Variants in CDKAL1 observed in about 807,000 individuals in gnomAD.
CDKAL1 encodes the protein threonylcarbamoyladenosine tRNA methylthiotransferase.
A neutral mutation model predicts 68.2 loss-of-function variants in CDKAL1; 32 were observed. The observed-to-expected ratio is 0.47, with a 90% CI of 0.35 to 0.63. CDKAL1 has a LOEUF of 0.63. Among genes scored for constraint, CDKAL1 ranks in the 30% least tolerant of loss-of-function variants. The pLI is 0.00. For synonymous variants in CDKAL1, 234 were observed against 244.3 expected, an observed-to-expected ratio of 0.96 and a Z score of 0.39; for missense variants, 606 against 696.7, an observed-to-expected ratio of 0.87 and a Z score of 1.47.
chr6:21,198,164 T>A, intron 14 of CDKAL1, 60 bp downstream of exon 14: 2 of 1,170,566 alleles, frequency 1.7e-6, no homozygotes, highest in Non-Finnish European at 1.2e-6. Context: ...TCTGAAAGTT[T>A]AAGCAAAGGG....
chr6:21,000,667 T>A (rs1169346236), intron 11 of CDKAL1, among the ~76,000 whole-genome samples: 1 of 152,232 alleles, frequency 6.6e-6, no homozygotes. Flanking sequence ...GGATGAAAAC[T>A]GCTTTAGCTT....
At chr6:20,758,037 C>T (rs1774300694) in intron 6 of CDKAL1, among the ~76,000 whole-genome samples, 1 of 152,062 alleles carries the variant, frequency 6.6e-6, no homozygotes, top group Non-Finnish European at 1.5e-5. Context: ...TCTGTGTTCC[C>T]ATGGCAAAGC....
chr6:20,772,292 T>G (rs2150363825), intron 7 of CDKAL1, among the ~76,000 whole-genome samples: 1 of 152,328 alleles, frequency 6.6e-6, no homozygotes, highest in Admixed American at 6.5e-5. Flanking sequence ...GAGAGTCTGT[T>G]GTAGCAAGAC....
At chr6:21,070,409 TGGCTCAG>T (rs1177903219) in intron 12 of CDKAL1, among the ~76,000 whole-genome samples, 13 of 150,950 alleles carry the variant, frequency 8.6e-5, no homozygotes, top group Admixed American at 1.3e-4. Context: ...CTTTTTTTTT[TGGCTCAG>T]TTTTCTCAGG....
At chr6:21,134,456 A>G (rs1015118016) in intron 13 of CDKAL1, among the ~76,000 whole-genome samples, 6 of 152,212 alleles carry the variant, frequency 3.9e-5, no homozygotes, top group Non-Finnish European at 7.4e-5. Context: ...ATGTTTTGTC[A>G]TAAAAGCACT....
intron 4 of CDKAL1, among the ~76,000 whole-genome samples, chr6:20,581,962 C>G (rs995687537): frequency 3.9e-5 from 6 of 152,114 alleles, no homozygotes; most frequent in Non-Finnish European, 2.9e-5. Flanking sequence ...AGCCCCCAAT[C>G]CCTTTATAAA....
chr6:20,715,910 T>C (rs1339189842), intron 5 of CDKAL1, among the ~76,000 whole-genome samples: 1 of 152,236 alleles, frequency 6.6e-6, no homozygotes, highest in Non-Finnish European at 1.5e-5. Context: ...TTTACCATTT[T>C]GTTGTGGGTT....
chr6:20,915,490 T>G (rs1762681827), intron 9 of CDKAL1, among the ~76,000 whole-genome samples: 1 of 152,224 alleles, frequency 6.6e-6, no homozygotes, highest in African/African-American at 2.4e-5. Flanking sequence ...ATCCTTCAGC[T>G]GATTGAAAGA....
intron 8 of CDKAL1, among the ~76,000 whole-genome samples, chr6:20,814,684 C>T (rs1239102525): frequency 3.8e-4 from 58 of 152,218 alleles, no homozygotes; most frequent in Non-Finnish European, 1.3e-4. Context: ...GCTGACTCTG[C>T]TCAATGCCCT....
intron 8 of CDKAL1, among the ~76,000 whole-genome samples, chr6:20,817,807 T>A (rs143478208): frequency 7.3e-4 from 111 of 152,276 alleles, no homozygotes; most frequent in Middle Eastern, 3.4e-3. Flanking sequence ...GATATACTAT[T>A]ATTTACTTAG....
At chr6:20,780,732 G>T (rs1414940540) in intron 7 of CDKAL1, among the ~76,000 whole-genome samples, 11 of 143,508 alleles carry the variant, frequency 7.7e-5, no homozygotes, top group Non-Finnish European at 1.2e-4. Context: ...GGAGTGCAGT[G>T]GTGCCATCTG....
intron 5 of CDKAL1, among the ~76,000 whole-genome samples, chr6:20,721,979 C>A (rs904583731): frequency 4.6e-5 from 7 of 152,182 alleles, no homozygotes; most frequent in African/African-American, 7.2e-5. Context: ...GATCCTCCCC[C>A]CTTGGCCTCC....
intron 13 of CDKAL1, among the ~76,000 whole-genome samples, chr6:21,195,723 C>G (rs942279040): frequency 2.0e-5 from 3 of 148,882 alleles, no homozygotes; most frequent in African/African-American, 7.5e-5. Flanking sequence ...GTTACCCAGG[C>G]GGTCTCAAAC....
chr6:20,875,870 A>G (rs996328049), intron 9 of CDKAL1, among the ~76,000 whole-genome samples: 2 of 152,244 alleles, frequency 1.3e-5, no homozygotes, highest in Admixed American at 6.5e-5. Flanking sequence ...TGTGATTTGT[A>G]TAATAAGAAA....
chr6:20,943,158 A>C (rs1388838139), intron 9 of CDKAL1, among the ~76,000 whole-genome samples: 1 of 150,956 alleles, frequency 6.6e-6, no homozygotes, highest in Non-Finnish European at 1.5e-5. Flanking sequence ...AAGTCAACAA[A>C]AATCTAGGTT....
chr6:20,872,574 TTCAG>T (rs1760281579), intron 9 of CDKAL1, among the ~76,000 whole-genome samples: 1 of 152,200 alleles, frequency 6.6e-6, no homozygotes, highest in Non-Finnish European at 1.5e-5. Context: ...GCATGCATAT[TTCAG>T]TCAGAGAACA....
At chr6:21,125,848 T>C (rs970591740) in intron 13 of CDKAL1, among the ~76,000 whole-genome samples, 1 of 152,176 alleles carries the variant, frequency 6.6e-6, no homozygotes, top group South Asian at 2.1e-4. Context: ...GGGAGTTAGG[T>C]GTCCCTTTCA....
At chr6:21,138,513 A>G (rs116075301) in intron 13 of CDKAL1, among the ~76,000 whole-genome samples, 2,112 of 152,246 alleles carry the variant, frequency 0.014, 44 homozygotes, top group African/African-American at 0.048. Flanking sequence ...TTCCTAATCT[A>G]TCTGACCCTC....
intron 4 of CDKAL1, among the ~76,000 whole-genome samples, chr6:20,574,384 A>G (rs1384650510): frequency 6.6e-6 from 1 of 152,176 alleles, no homozygotes; most frequent in Non-Finnish European, 1.5e-5. Flanking sequence ...TTGAGCTATT[A>G]TGATGGAAGG....
Sources: gnomAD v4.1 joint callset for allele counts (sites outside exome capture counted in the v4.1 genomes callset) on GRCh38, gnomAD v4.1.1 for gene constraint, MANE v1.5 for transcripts, NCBI Gene and HGNC (gene_info 2026-07-23, HGNC 2026-07-21) for gene names.